The following AK2 variants were observed in gnomAD, a reference collection of about 807,000 sequenced individuals.
AK2 encodes the protein adenylate kinase 2, mitochondrial.
In AK2, 15 loss-of-function variants were observed where a neutral mutation model predicts 24.6. The observed-to-expected ratio is 0.61, with a 90% CI of 0.41 to 0.94. The LOEUF is 0.94. AK2 is among the 40% of genes least tolerant of loss of function. The probability of loss-of-function intolerance (pLI) is 0.00; values close to 1 mark genes in which losing one functional copy is unlikely to be tolerated. For synonymous variants in AK2, 102 were observed against 114.0 expected (o/e 0.90, Z 0.67); for missense variants, 257 against 304.1 (o/e 0.85, Z 1.15).
In AK2 at chr1:33,022,472, C is replaced by T. The variant is rs529476686; in HGVS notation, c.220-769G>A. 4.6e-4 allele frequency among the ~76,000 whole-genome samples: 70 copies of T among 151,272 alleles called. 1 individual carries two copies. Among genetic ancestry groups the T allele is most frequent in the African/African-American group, 1.6e-3 (68 of 41,234 alleles). ...CCAGGTTCAGGTGATTCAAGTGCCT[C>T]AGCCTCCCAAACAGCTGGGACTACA... On this transcript the variant is annotated intron_variant, in intron 2 of 5. Transcript: ENST00000672715.
At position 33,021,710 on chromosome 1, in the gene AK2, G is replaced by A. The variant is rs1195194137; in HGVS notation, c.220-7C>T. ...CTACCATTTCATCACTCACCTGGAAGTTAGGAACAAAATAGCCTTGGGTTT... is the reference window on the plus strand; with the variant it reads ...CTACCATTTCATCACTCACCTGGAAATTAGGAACAAAATAGCCTTGGGTTT... On this transcript the variant is annotated splice_region_variant and splice_polypyrimidine_tract_variant and intron_variant, in intron 2 of 5. Coordinates refer to ENST00000672715, the MANE Select transcript of AK2 (RefSeq NM_001625.4). The A allele has an allele frequency of 1.5e-5, 24 of 1,605,110 alleles. No homozygotes were observed. Among genetic ancestry groups the A allele is most frequent in the Non-Finnish European group, 2.0e-5 (24 of 1,171,886 alleles).
In AK2 at chr1:33,008,288, G is replaced by T. The variant is rs1473569982; in HGVS notation, c.*4893C>A. ...TGATGAGGTGAGATAACTTGTCCAA[G>T]GTCGCATGGTGAAGTCGCTGTTGAA... On this transcript the variant is annotated 3_prime_UTR_variant, in exon 6 of 6. Transcript: ENST00000672715. 2.2e-6 allele frequency: 1 copy of T among 454,058 alleles called. No homozygotes were observed. The highest frequency in any genetic ancestry group is 7.0e-5 in the East Asian group (1 of 14,388). 28.1% of individuals were successfully genotyped at this position (454,058 alleles called of 1,614,324 possible).
At chr1:33,014,643 C>T (rs11576688) in intron 4 of AK2, 49 bp from the exon 5 acceptor site, 1 of 1,486,428 alleles carries the variant, frequency 6.7e-7, no homozygotes, top group South Asian at 1.1e-5. Flanking sequence ...CAGTACGCGC[C>T]TGCACTCCAC....
At position 33,009,184 on chromosome 1, in the gene AK2, G is replaced by C. The variant is rs1401956920; in HGVS notation, c.*3997C>G. 2.2e-6 allele frequency: 1 copy of C among 453,256 alleles called. No homozygotes were observed. The highest frequency in any genetic ancestry group is 2.0e-5 in the African/African-American group (1 of 49,914). 28.1% of individuals were successfully genotyped at this position (453,256 alleles called of 1,614,324 possible). On this transcript the variant is annotated 3_prime_UTR_variant, in exon 6 of 6. Transcript: ENST00000672715. ...AACAAGATGCCTAAAGAAGAATAGT[G>C]GTGCTTCCAGCCCAGCTCCCTCTTG...
intron 1 of AK2, among the ~76,000 whole-genome samples, chr1:33,033,916 C>T (rs984629445): frequency 6.6e-6 from 1 of 152,198 alleles, no homozygotes; most frequent in Admixed American, 6.5e-5. Flanking sequence ...CTCTGTTGCC[C>T]AGGCTGGGGC....
Position 33,024,564 on chromosome 1 carries a change from G to A in AK2, c.97C>T (p.Pro33Ser). 6.2e-7 allele frequency: 1 copy of A among 1,614,156 alleles called. No homozygotes were observed. Among genetic ancestry groups the A allele is most frequent in the Non-Finnish European group, 8.5e-7 (1 of 1,180,014 alleles). The change falls in exon 2 of 6, where the codon CCC (proline) becomes TCC (serine). Residue 33 changes from proline to serine, a missense_variant. Pro to Ser is a moderately conservative substitution (Grantham distance 74). Transcript: ENST00000672715. ...ACACAGAAGTTTTCAGCCAATCTGG[G>A]TGCCTACAGAGAGGAAGACAAAAAC... is the stretch of plus-strand genomic sequence containing the variant. ...PPGAGKGTQA[P>S]RLAENFCVCH...
At position 33,032,053 on chromosome 1, in the gene AK2, T is replaced by C. The variant is rs766166689; in HGVS notation, c.93+4683A>G. Reference sequence around the variant, plus strand: ...TTTCAGTCATGCAACATAAAGCACATAAAATACTGAGTTACGCAGGTATAA... The same window carrying C: ...TTTCAGTCATGCAACATAAAGCACACAAAATACTGAGTTACGCAGGTATAA... On this transcript the variant is annotated intron_variant, in intron 1 of 5. Transcript: ENST00000672715. 3.0e-4 allele frequency: 55 copies of C among 185,542 alleles called. 1 individual carries two copies. The Middle Eastern group carries it at 7.7e-3, about 26-fold the overall frequency. 11.5% of individuals were successfully genotyped at this position (185,542 alleles called of 1,614,324 possible).
At chr1:33,022,667 A>G (rs1190562217) in intron 2 of AK2, among the ~76,000 whole-genome samples, 2 of 152,046 alleles carry the variant, frequency 1.3e-5, no homozygotes. Flanking sequence ...CTAAGCCAAT[A>G]TACTTCTGAG....
At chr1:33,017,922 G>A (rs1639296161) in intron 4 of AK2, among the ~76,000 whole-genome samples, 5 of 152,004 alleles carry the variant, frequency 3.3e-5, no homozygotes, top group Admixed American at 3.3e-4. Flanking sequence ...TGCCACACCT[G>A]GCTAACTTTT....
chr1:33,012,661 C>G lies in AK2; in HGVS notation c.*520G>C, dbSNP rs1240665338. ...TCTGTGATCCTGGCACTTCAGGAGGCCAAGGTGGGTGGATTGCTTAAGCCT... is the reference window on the plus strand; with the variant it reads ...TCTGTGATCCTGGCACTTCAGGAGGGCAAGGTGGGTGGATTGCTTAAGCCT... On this transcript the variant is annotated 3_prime_UTR_variant, in exon 6 of 6. Transcript: ENST00000672715. 4 of 1,276,104 alleles carry G rather than the reference C, an allele frequency of 3.1e-6. No homozygotes were observed. The highest frequency in any genetic ancestry group is 4.1e-6 in the Non-Finnish European group (4 of 978,708). 79.0% of individuals were successfully genotyped at this position (1,276,104 alleles called of 1,614,324 possible). A position where few individuals can be genotyped will look rare whatever the true frequency, so the allele number is the denominator to read the frequency against.
In AK2 at chr1:33,008,395, G is replaced by A. The variant is rs1168662171; in HGVS notation, c.*4786C>T. 2 of 454,114 alleles carry A rather than the reference G, an allele frequency of 4.4e-6. No individual in the cohort carries two copies. Among genetic ancestry groups the A allele is most frequent in the Admixed American group, 4.7e-5 (2 of 42,582 alleles). The allele number at this position is 454,114 out of a possible 1,614,324, so 28.1% of individuals were successfully genotyped here. A position where few individuals can be genotyped will look rare whatever the true frequency, so the allele number is the denominator to read the frequency against. On this transcript the variant is annotated 3_prime_UTR_variant, in exon 6 of 6. Transcript: ENST00000672715. ...TGAGGAGGCTGCTCTCCATCCTGCTGTGTTCTGTCAGTGACACTTTGTGCA... is the reference window on the plus strand; with the variant it reads ...TGAGGAGGCTGCTCTCCATCCTGCTATGTTCTGTCAGTGACACTTTGTGCA...
At chr1:33,013,928 C>T (rs916155157) in intron 5 of AK2, among the ~76,000 whole-genome samples, 3 of 152,122 alleles carry the variant, frequency 2.0e-5, no homozygotes, top group Admixed American at 6.5e-5. Flanking sequence ...GTTGCCATAA[C>T]GGCTCTGGAA....
chr1:33,024,144 C>A, intron 2 of AK2: 1 of 361,074 alleles, frequency 2.8e-6, no homozygotes, highest in Non-Finnish European at 5.3e-6. Flanking sequence ...GCACTCCAGC[C>A]TGGGCGACAG....
rs1639748121 is a variant in AK2, at chr1:33,024,465, C to T, written c.196G>A (p.Ala66Thr). The T allele has an allele frequency of 6.2e-7, 1 of 1,614,204 alleles. No homozygotes were observed. The highest frequency in any genetic ancestry group is 8.5e-7 in the Non-Finnish European group (1 of 1,180,042). Residue 66 changes from alanine (A) to threonine (T), a missense_variant, in exon 2 of 6, where the codon GCA (alanine) becomes ACA (threonine). Ala to Thr is a moderately conservative substitution (Grantham distance 58). Coordinates refer to ENST00000672715, the MANE Select transcript of AK2 (RefSeq NM_001625.4). ...ACCAGTTTCCCAGCATCCATAGTTGCCTTCAGCTTTTTTCCTAGCTCTGAG... is the reference window on the plus strand; with the variant it reads ...ACCAGTTTCCCAGCATCCATAGTTGTCTTCAGCTTTTTTCCTAGCTCTGAG... ...SGSELGKKLK[A>T]TMDAGKLVSD...
intron 1 of AK2, among the ~76,000 whole-genome samples, chr1:33,026,599 G>A (rs1569690580): frequency 1.4e-5 from 2 of 146,102 alleles, no homozygotes; most frequent in East Asian, 4.2e-4. Context: ...ACAAGGTCAG[G>A]AGATTGAGAC....
At chr1:33,022,888 C>T (rs766524762) in intron 2 of AK2, among the ~76,000 whole-genome samples, 36 of 152,198 alleles carry the variant, frequency 2.4e-4, no homozygotes, top group Non-Finnish European at 4.6e-4. Flanking sequence ...CTCATTGCCA[C>T]ATCTCAATTT....
At chr1:33,027,087 G>A (rs140587289) in intron 1 of AK2, among the ~76,000 whole-genome samples, 178 of 152,178 alleles carry the variant, frequency 1.2e-3, no homozygotes, top group African/African-American at 3.8e-3. Flanking sequence ...GATCCAGCCC[G>A]GGCGAAGAAG....
intron 1 of AK2, chr1:33,031,419 G>C: frequency 8.6e-6 from 3 of 350,096 alleles, no homozygotes; most frequent in South Asian, 6.6e-5. Flanking sequence ...TAGTGTTATA[G>C]GATTAAATCA....
chr1:33,029,564 T>TA (rs1640114184), intron 1 of AK2: 1 of 151,962 alleles, frequency 6.6e-6, no homozygotes, highest in African/African-American at 2.4e-5. Context: ...AGGCATGCAG[T>TA]ACCATGCCCG....
Sources: gnomAD v4.1 joint callset for allele counts (sites outside exome capture counted in the v4.1 genomes callset) on GRCh38, gnomAD v4.1.1 for gene constraint, MANE v1.5 for transcripts, NCBI Gene and HGNC (gene_info 2026-07-23, HGNC 2026-07-21) for gene names.